AGBL4: variants seen among roughly 807,000 people sequenced by gnomAD.
AGBL4 encodes AGBL carboxypeptidase 4.
In AGBL4, 58 loss-of-function variants were observed where a neutral mutation model predicts 66.4. That is an observed-to-expected ratio of 0.87 (90% CI 0.71 to 1.09). The LOEUF is 1.09. Among genes scored for constraint, AGBL4 ranks in the 50% least tolerant of loss-of-function variants. AGBL4 has a pLI of 0.00. For synonymous variants in AGBL4, 234 were observed against 222.9 expected, an observed-to-expected ratio of 1.05 and a Z score of -0.44; for missense variants, 579 against 631.0, an observed-to-expected ratio of 0.92 and a Z score of 0.88.
At chr1:49,591,366 A>G (rs1490824354) in intron 3 of AGBL4, among the ~76,000 whole-genome samples, 1 of 152,090 alleles carries the variant, frequency 6.6e-6, no homozygotes, top group Non-Finnish European at 1.5e-5. Flanking sequence ...AAGGAATTGT[A>G]AGTGATATTA....
At chr1:48,830,808 A>G (rs1646533924) in intron 6 of AGBL4, among the ~76,000 whole-genome samples, 1 of 152,210 alleles carries the variant, frequency 6.6e-6, no homozygotes, top group Non-Finnish European at 1.5e-5. Flanking sequence ...ATGGAAGAAT[A>G]AAGCTGTTCA....
intron 1 of AGBL4, among the ~76,000 whole-genome samples, chr1:49,982,719 C>T (rs1659165444): frequency 6.6e-6 from 1 of 152,144 alleles, no homozygotes; most frequent in African/African-American, 2.4e-5. Context: ...TTCATCCCCT[C>T]TGAACCCCAT....
At chr1:48,789,506 G>A (rs1645492930) in intron 6 of AGBL4, among the ~76,000 whole-genome samples, 1 of 152,144 alleles carries the variant, frequency 6.6e-6, no homozygotes, top group South Asian at 2.1e-4. Context: ...AGCCAGGATG[G>A]TCTTGATCTC....
chr1:48,886,316 G>A (rs980328322), intron 5 of AGBL4, among the ~76,000 whole-genome samples: 2 of 152,192 alleles, frequency 1.3e-5, no homozygotes, highest in African/African-American at 2.4e-5. Flanking sequence ...CTGAAGTGCT[G>A]TTGTATTAAG....
intron 4 of AGBL4, among the ~76,000 whole-genome samples, chr1:49,052,458 C>T (rs574527681): frequency 1.3e-5 from 2 of 152,110 alleles, no homozygotes; most frequent in African/African-American, 2.4e-5. Context: ...ATTCTTCCCC[C>T]GTGCCTCTGT....
At chr1:50,023,669 C>G (rs1205104048) in intron 1 of AGBL4, 94 bp downstream of exon 1, 2 of 1,422,158 alleles carry the variant, frequency 1.4e-6, no homozygotes, top group Admixed American at 5.4e-5. Context: ...GGACCGCCTC[C>G]TCAGGAGTAG....
At chr1:49,541,897 CT>C (rs1223973930) in intron 3 of AGBL4, among the ~76,000 whole-genome samples, 1 of 152,122 alleles carries the variant, frequency 6.6e-6, no homozygotes, top group Non-Finnish European at 1.5e-5. Flanking sequence ...CACTCTGTGT[CT>C]AGCTAATCTG....
intron 6 of AGBL4, among the ~76,000 whole-genome samples, chr1:48,741,279 C>T (rs1291927212): frequency 6.6e-6 from 1 of 152,202 alleles, no homozygotes; most frequent in Non-Finnish European, 1.5e-5. Context: ...TCAGAAAGGC[C>T]TTTGGAGAGC....
chr1:48,947,430 G>C (rs1656608618), intron 5 of AGBL4, among the ~76,000 whole-genome samples: 1 of 152,114 alleles, frequency 6.6e-6, no homozygotes, highest in Non-Finnish European at 1.5e-5. Flanking sequence ...GTAGAGAATG[G>C]GAGAGGGCAG....
intron 4 of AGBL4, among the ~76,000 whole-genome samples, chr1:49,200,479 G>A (rs1395812790): frequency 1.3e-5 from 2 of 152,114 alleles, no homozygotes; most frequent in Admixed American, 1.3e-4. Flanking sequence ...GATCCCACAG[G>A]TTGAGGGCTC....
intron 3 of AGBL4, among the ~76,000 whole-genome samples, chr1:49,349,050 A>G (rs1645696201): frequency 6.6e-6 from 1 of 152,174 alleles, no homozygotes; most frequent in Admixed American, 6.5e-5. Context: ...GATTTTCTAT[A>G]TATTACTCTA....
rs376488159 is a variant in AGBL4 at position 49,704,613 on chromosome 1, TA to T, written c.158-7177del. Among the ~76,000 whole-genome samples the T allele has an allele frequency of 5.4e-3, 819 of 152,232 alleles. 10 individuals carry two copies. Among genetic ancestry groups the T allele is most frequent in the Non-Finnish European group, 7.8e-3 (528 of 67,998 alleles). ...CTTGAGCTAATTTTTGTATAAGGTGTAAAAAAGGGGTACAGTTTCAGTTTTC... is the reference window on the plus strand; with the variant it reads ...CTTGAGCTAATTTTTGTATAAGGTGTAAAAAGGGGTACAGTTTCAGTTTTC... On this transcript the variant is annotated intron_variant, in intron 2 of 13. Coordinates refer to ENST00000371839, the MANE Select transcript of AGBL4 (RefSeq NM_032785.4).
chr1:48,856,337 T>C (rs1055824478), intron 6 of AGBL4, among the ~76,000 whole-genome samples: 3 of 152,234 alleles, frequency 2.0e-5, no homozygotes, highest in African/African-American at 4.8e-5. Context: ...TGTTTCTGCA[T>C]ATAGACAAGA....
At chr1:48,715,618 A>G (rs187836394) in intron 6 of AGBL4, among the ~76,000 whole-genome samples, 3 of 152,332 alleles carry the variant, frequency 2.0e-5, no homozygotes, top group Admixed American at 6.5e-5. Context: ...GAAATACTTC[A>G]GAGTAAATTT....
intron 2 of AGBL4, among the ~76,000 whole-genome samples, chr1:49,826,800 G>A (rs1464926546): frequency 6.6e-6 from 1 of 152,122 alleles, no homozygotes; most frequent in East Asian, 1.9e-4. Context: ...AAGAAATCAT[G>A]GTTCCTGCCC....
At chr1:48,902,897 C>A (rs1364911790) in intron 5 of AGBL4, among the ~76,000 whole-genome samples, 2 of 152,150 alleles carry the variant, frequency 1.3e-5, no homozygotes, top group Non-Finnish European at 2.9e-5. Flanking sequence ...CTTAGCCTGG[C>A]ACTTGTGAGG....
At chr1:48,731,043 G>A (rs1648045524) in intron 6 of AGBL4, among the ~76,000 whole-genome samples, 1 of 152,218 alleles carries the variant, frequency 6.6e-6, no homozygotes, top group Admixed American at 6.5e-5. Flanking sequence ...AGAAGAAGAA[G>A]AAATCCTCAC....
intron 1 of AGBL4, among the ~76,000 whole-genome samples, chr1:49,865,261 A>G (rs1646673518): frequency 6.6e-6 from 1 of 152,172 alleles, no homozygotes; most frequent in Non-Finnish European, 1.5e-5. Flanking sequence ...GAGCAGGCAG[A>G]GTTCTTCATT....
At chr1:49,189,249 G>A (rs578034283) in intron 4 of AGBL4, among the ~76,000 whole-genome samples, 1 of 152,246 alleles carries the variant, frequency 6.6e-6, no homozygotes, top group South Asian at 2.1e-4. Context: ...TAGCTACCTA[G>A]AGTAATCTTT....
Sources: gnomAD v4.1 joint callset for allele counts (sites outside exome capture counted in the v4.1 genomes callset) on GRCh38, gnomAD v4.1.1 for gene constraint, MANE v1.5 for transcripts, NCBI Gene and HGNC (gene_info 2026-07-23, HGNC 2026-07-21) for gene names.